Variants in SLC9B1 observed in about 807,000 individuals in gnomAD.
SLC9B1 encodes the protein sodium/hydrogen exchanger 9B1.
SLC9B1 carries 32 observed loss-of-function variants against 51.7 expected under a neutral mutation model. That is an observed-to-expected ratio of 0.62 (90% confidence interval 0.47 to 0.83). SLC9B1 has a LOEUF of 0.83. Among genes scored for constraint, SLC9B1 ranks in the 40% least tolerant of loss-of-function variants. The pLI, the probability that SLC9B1 is intolerant of heterozygous loss-of-function variation, is 0.00. For missense variants in SLC9B1, 406 were observed against 613.2 expected (o/e 0.66, Z 3.57); for synonymous variants, 145 against 212.7 (o/e 0.68, Z 2.77).
At chr4:102,972,682 A>T (rs1738826201) in intron 3 of SLC9B1, among the ~76,000 whole-genome samples, 1 of 152,230 alleles carries the variant, frequency 6.6e-6, no homozygotes, top group Admixed American at 6.5e-5. Context: ...AAGTATTCAA[A>T]AACTGAATTT....
chr4:102,972,284 T>G (rs1288641275), intron 3 of SLC9B1, among the ~76,000 whole-genome samples: 1 of 152,158 alleles, frequency 6.6e-6, no homozygotes, highest in Non-Finnish European at 1.5e-5. Flanking sequence ...TCAAAGAGCT[T>G]AACCACCACT....
chr4:103,015,835 T>C (rs776381989), intron 1 of SLC9B1, among the ~76,000 whole-genome samples: 4 of 151,990 alleles, frequency 2.6e-5, no homozygotes, highest in Non-Finnish European at 4.4e-5. Context: ...TTACCAGAAA[T>C]TATACGTTCA....
chr4:103,009,537 C>A (rs938561294), intron 1 of SLC9B1, among the ~76,000 whole-genome samples: 2 of 152,122 alleles, frequency 1.3e-5, no homozygotes, highest in Non-Finnish European at 2.9e-5. Flanking sequence ...ATATGGAATT[C>A]AGTATAAATT....
intron 7 of SLC9B1, among the ~76,000 whole-genome samples, chr4:102,920,137 C>T (rs1197605486): frequency 5.3e-5 from 8 of 152,228 alleles, no homozygotes; most frequent in Admixed American, 6.5e-5. Flanking sequence ...AACTGGGACA[C>T]ACCTGCCAGT....
Position 102,905,307 on chromosome 4 carries a change from G to A in SLC9B1, c.1332+207C>T, listed in dbSNP as rs558088324. ...GCCATCTCAGCTTACTGCAACCTCC[G>A]CCTCCTGGGTTCAAGCGATTCTCCC... On this transcript the variant is annotated intron_variant, in intron 11 of 11. Coordinates refer to ENST00000296422, the MANE Select transcript of SLC9B1 (RefSeq NM_139173.4). Among the ~76,000 whole-genome samples, 122 of 151,820 alleles carry A rather than the reference G, an allele frequency of 8.0e-4. No homozygotes were observed. Among genetic ancestry groups the A allele is most frequent in the Middle Eastern group, 3.4e-3 (1 of 294 alleles).
At chr4:102,927,048 T>C (rs1164456467) in intron 7 of SLC9B1, among the ~76,000 whole-genome samples, 1 of 152,230 alleles carries the variant, frequency 6.6e-6, no homozygotes, top group Non-Finnish European at 1.5e-5. Flanking sequence ...GCTAGCCATA[T>C]GTAGAAAGCT....
At chr4:102,947,648 T>G (rs1351373586) in intron 4 of SLC9B1, among the ~76,000 whole-genome samples, 1 of 152,240 alleles carries the variant, frequency 6.6e-6, no homozygotes, top group Non-Finnish European at 1.5e-5. Context: ...CCACCGTGCC[T>G]GGCCCACTGT....
At chr4:102,999,490 C>T (rs1221944372) in intron 1 of SLC9B1, among the ~76,000 whole-genome samples, 4 of 152,272 alleles carry the variant, frequency 2.6e-5, no homozygotes, top group South Asian at 4.1e-4. Flanking sequence ...CCTTTTGAGT[C>T]TGTTTCCCTT....
At chr4:102,919,261 C>T (rs1578345384) in intron 7 of SLC9B1, among the ~76,000 whole-genome samples, 1 of 152,352 alleles carries the variant, frequency 6.6e-6, no homozygotes, top group East Asian at 1.9e-4. Context: ...TTTTCTATCA[C>T]ATCATAAGGC....
intron 3 of SLC9B1, among the ~76,000 whole-genome samples, chr4:102,979,978 A>C (rs1445073718): frequency 6.6e-6 from 1 of 152,222 alleles, no homozygotes; most frequent in Non-Finnish European, 1.5e-5. Flanking sequence ...TTATGCAGCC[A>C]GCAAACGTAT....
chr4:102,989,936 G>A lies in SLC9B1; in HGVS notation c.75C>T (p.Leu25=). ...CCTGTGCAGTATTATTAGGATCAATGAGACTCTGTAGTAAAACAAGAAAAT... is the reference window on the plus strand; with the variant it reads ...CCTGTGCAGTATTATTAGGATCAATAAGACTCTGTAGTAAAACAAGAAAAT... ...NFQTSTTPQS[L]IDPNNTAQEE... is the part of the protein sequence containing the mutation. Residue 25 remains leucine (L), a synonymous_variant, in exon 3 of 12, where the codon CTC becomes CTT. Transcript: ENST00000296422. 1 of 1,578,556 alleles carries A rather than the reference G, an allele frequency of 6.3e-7. No homozygotes were observed. The highest frequency in any genetic ancestry group is 1.4e-5 in the African/African-American group (1 of 73,476).
intron 4 of SLC9B1, among the ~76,000 whole-genome samples, chr4:102,947,966 A>AGTGATGGTGGTTTTAGCG (rs1553982835): frequency 2.6e-5 from 4 of 150,962 alleles, no homozygotes; most frequent in Non-Finnish European, 5.9e-5. Flanking sequence ...TGAATCCATG[A>AGTGATGGTGGTTTTAGCG]GTGATGGTGG....
At chr4:102,941,656 A>C (rs2110468954) in intron 6 of SLC9B1, among the ~76,000 whole-genome samples, 1 of 102,628 alleles carries the variant, frequency 9.7e-6, no homozygotes. Context: ...AAAAAAAAAA[A>C]AAAAACCCGA....
chr4:103,009,048 T>C (rs1035459154), intron 1 of SLC9B1, among the ~76,000 whole-genome samples: 6 of 152,194 alleles, frequency 3.9e-5, no homozygotes, highest in Non-Finnish European at 8.8e-5. Context: ...TCCGCCCACC[T>C]TGGCCTCCCA....
At chr4:102,945,722 T>C (rs1737233759) in intron 5 of SLC9B1, among the ~76,000 whole-genome samples, 1 of 152,136 alleles carries the variant, frequency 6.6e-6, no homozygotes, top group Non-Finnish European at 1.5e-5. Context: ...AGAAAATAAC[T>C]TAAAAACTGC....
intron 9 of SLC9B1, among the ~76,000 whole-genome samples, chr4:102,909,483 A>G (rs1040158895): frequency 6.6e-6 from 1 of 152,182 alleles, no homozygotes; most frequent in Non-Finnish European, 1.5e-5. Context: ...TGCGCCTGTA[A>G]TCCCAGCTAC....
In SLC9B1 at chr4:102,926,090, C is replaced by T. The variant is rs574285713; in HGVS notation, c.829+6034G>A. On this transcript the variant is annotated intron_variant, in intron 7 of 11. Coordinates refer to ENST00000296422, the MANE Select transcript of SLC9B1 (RefSeq NM_139173.4). ...CTCAATAAACTAGGTATTGATGGGA[C>T]GTATCTCAAAATAATAAGAGCTATT... Among the ~76,000 whole-genome samples the T allele has an allele frequency of 8.9e-3, 1,276 of 143,286 alleles. 1 individual carries two copies. The highest frequency in any genetic ancestry group is 0.036 in the South Asian group (161 of 4,480). The allele number at this position is 143,286 out of a possible 152,430, so 94.0% of individuals were successfully genotyped here.
At chr4:102,971,248 C>A (rs561175310) in intron 3 of SLC9B1, among the ~76,000 whole-genome samples, 1 of 152,294 alleles carries the variant, frequency 6.6e-6, no homozygotes, top group South Asian at 2.1e-4. Context: ...GTAAAGCACT[C>A]CTCAGCAAAT....
chr4:102,996,506 G>A (rs989669891), intron 1 of SLC9B1, among the ~76,000 whole-genome samples: 2 of 151,848 alleles, frequency 1.3e-5, no homozygotes, highest in Non-Finnish European at 2.9e-5. Context: ...TTATTGTTTT[G>A]CTTTTCACAT....
Sources: gnomAD v4.1 joint callset for allele counts (sites outside exome capture counted in the v4.1 genomes callset) on GRCh38, gnomAD v4.1.1 for gene constraint, MANE v1.5 for transcripts, NCBI Gene and HGNC (gene_info 2026-07-23, HGNC 2026-07-21) for gene names.